The following ANKRD45 variants were observed in gnomAD, a reference collection of about 807,000 sequenced individuals.
The protein encoded by ANKRD45 is ankyrin repeat domain-containing protein 45.
Under a neutral mutation model 28.1 loss-of-function variants are expected in ANKRD45, and 21 were observed. The ratio of observed to expected loss-of-function variants is 0.75; its 90% CI spans 0.53 to 1.08. ANKRD45 has a LOEUF of 1.08. ANKRD45 is among the 50% of genes least tolerant of loss of function. ANKRD45 has a pLI of 0.00. For missense variants in ANKRD45, 261 were observed against 308.7 expected (o/e 0.85, Z 1.16); for synonymous variants, 86 against 103.9 (o/e 0.83, Z 1.05).
At chr1:173,635,506 C>G (rs1239477760) in intron 3 of ANKRD45, 1 of 1,465,406 alleles carries the variant, frequency 6.8e-7, no homozygotes, top group African/African-American at 1.4e-5. Flanking sequence ...ACTTTTTTTT[C>G]AATTGACAAA....
intron 3 of ANKRD45, among the ~76,000 whole-genome samples, chr1:173,637,907 T>C (rs1168963278): frequency 6.6e-6 from 1 of 152,046 alleles, no homozygotes; most frequent in Admixed American, 6.6e-5. Context: ...CACTGCCCAT[T>C]GTAGCAGCCC....
intron 1 of ANKRD45, among the ~76,000 whole-genome samples, chr1:173,666,409 A>G (rs1195116664): frequency 6.6e-6 from 1 of 152,204 alleles, no homozygotes; most frequent in Non-Finnish European, 1.5e-5. Flanking sequence ...GGATTGATTC[A>G]GGAACCCTCC....
At chr1:173,700,616 C>T in the ANKRD45 span, among the ~76,000 whole-genome samples, 2 of 152,164 alleles carry the variant, frequency 1.3e-5, no homozygotes, top group Non-Finnish European at 2.9e-5. Context: ...ACTGGCTAGC[C>T]ATATGTAGAA....
rs530344810 is a variant in ANKRD45, at chr1:173,646,713, G to T, written c.496+133C>A. 4 of 832,712 alleles carry T rather than the reference G, an allele frequency of 4.8e-6. No individual in the cohort carries two copies. In the African/African-American group the frequency reaches 6.8e-5, roughly 14 times the overall value. 51.6% of individuals were successfully genotyped at this position (832,712 alleles called of 1,614,324 possible). Reference sequence around the variant, plus strand: ...ACAAAGAAAGAGGGGGAAATTTCATGTATTATCACCAACTGTGACTGTGGT... The same window carrying T: ...ACAAAGAAAGAGGGGGAAATTTCATTTATTATCACCAACTGTGACTGTGGT... On this transcript the variant is annotated intron_variant, in intron 3 of 5. Coordinates refer to ENST00000333279, the MANE Select transcript of ANKRD45 (RefSeq NM_198493.3).
At chr1:173,647,508 C>G (rs1292183333) in intron 2 of ANKRD45, among the ~76,000 whole-genome samples, 2 of 152,112 alleles carry the variant, frequency 1.3e-5, no homozygotes, top group Non-Finnish European at 2.9e-5. Context: ...AAAATTATGG[C>G]CTATCAAATT....
At chr1:173,678,898 T>G in the ANKRD45 span, among the ~76,000 whole-genome samples, 2 of 151,796 alleles carry the variant, frequency 1.3e-5, no homozygotes, top group Non-Finnish European at 2.9e-5. Flanking sequence ...CACAAGCATT[T>G]CTATACATCA....
chr1:173,669,528 G>A (rs1407527010), intron 1 of ANKRD45: 2 of 454,498 alleles, frequency 4.4e-6, no homozygotes, highest in African/African-American at 2.0e-5. Context: ...TGGCAGCGCC[G>A]CCAGGTGATC....
upstream of ANKRD45, among the ~76,000 whole-genome samples, chr1:173,672,612 G>A (rs935631318): frequency 1.3e-5 from 2 of 152,204 alleles, no homozygotes; most frequent in Non-Finnish European, 2.9e-5. Context: ...TAGAAAGGTA[G>A]TAAGACACAA....
the ANKRD45 span, among the ~76,000 whole-genome samples, chr1:173,713,960 G>C: frequency 6.6e-6 from 1 of 152,102 alleles, no homozygotes; most frequent in African/African-American, 2.4e-5. Context: ...ATCTGTATCT[G>C]GGCAGCAGGC....
At chr1:173,651,226 G>T (rs907004708) in intron 2 of ANKRD45, among the ~76,000 whole-genome samples, 2 of 152,136 alleles carry the variant, frequency 1.3e-5, no homozygotes, top group Non-Finnish European at 2.9e-5. Context: ...ATGGTTTTAG[G>T]TCTAACATTT....
the ANKRD45 span, among the ~76,000 whole-genome samples, chr1:173,698,172 T>C: frequency 2.6e-5 from 4 of 152,218 alleles, no homozygotes; most frequent in East Asian, 7.7e-4. Flanking sequence ...ATAAAGCAAG[T>C]CTTTAGAGAC....
chr1:173,689,892 CT>C, the ANKRD45 span, among the ~76,000 whole-genome samples: 1 of 152,060 alleles, frequency 6.6e-6, no homozygotes, highest in Non-Finnish European at 1.5e-5. Flanking sequence ...AATCATACTC[CT>C]TTCTTCCTCT....
rs140400748 is a variant in ANKRD45 at position 173,632,263 on chromosome 1, C to T, written c.497-5104G>A. Among the ~76,000 whole-genome samples the T allele has an allele frequency of 4.3e-3, 653 of 151,978 alleles. 3 individuals are homozygous for T. Among genetic ancestry groups the T allele is most frequent in the African/African-American group, 0.015 (622 of 41,532 alleles). ...AGATAAATGGATAAAGTTCTAGACA[C>T]ATACAACCTGCAAGTTTAAACCATG... On this transcript the variant is annotated intron_variant, in intron 3 of 5. Coordinates refer to ENST00000333279, the MANE Select transcript of ANKRD45 (RefSeq NM_198493.3).
the ANKRD45 span, among the ~76,000 whole-genome samples, chr1:173,696,974 G>T: frequency 2.0e-5 from 3 of 152,136 alleles, no homozygotes; most frequent in Admixed American, 1.3e-4. Context: ...GATCTTAAAT[G>T]ACCTGATAGA....
the ANKRD45 span, among the ~76,000 whole-genome samples, chr1:173,699,631 T>C: frequency 3.5e-4 from 53 of 152,336 alleles, no homozygotes; most frequent in Non-Finnish European, 7.3e-4. Context: ...CCCTTCATGC[T>C]AAAAACTCTC....
Position 173,635,692 on chromosome 1 carries a change from T to C in ANKRD45, c.497-8533A>G, listed in dbSNP as rs1233997077. The C allele has an allele frequency of 4.6e-6, 7 of 1,535,762 alleles. No individual in the cohort carries two copies. The East Asian group carries it at 1.7e-4, about 38-fold the overall frequency. On this transcript the variant is annotated intron_variant, in intron 3 of 5. Transcript: ENST00000333279. ...GTTCTCCATCTCACTGCCTGCCTTA[T>C]CTTCTGGATAAACTATGCTGCGACT... is the stretch of plus-strand genomic sequence containing the variant.
Position 173,613,310 on chromosome 1 carries a change from A to C in ANKRD45, c.731-3095T>G, listed in dbSNP as rs1428725198. On this transcript the variant is annotated intron_variant, in intron 5 of 5. Transcript: ENST00000333279. ...GTCTGAGAAGCGAGGAGCCCCTCCG[A>C]CCAGCAGCCGCCCCGTCTGAGAAGC... 5.6e-4 allele frequency among the ~76,000 whole-genome samples: 74 copies of C among 133,168 alleles called. 3 individuals are homozygous for C. Among genetic ancestry groups the C allele is most frequent in the South Asian group, 1.3e-3 (5 of 3,864 alleles). 87.4% of individuals were successfully genotyped at this position (133,168 alleles called of 152,430 possible). A position where few individuals can be genotyped will look rare whatever the true frequency, so the allele number is the denominator to read the frequency against.
At chr1:173,613,614 A>C (rs1373065393) in intron 5 of ANKRD45, among the ~76,000 whole-genome samples, 12 of 66,596 alleles carry the variant, frequency 1.8e-4, no homozygotes, top group South Asian at 4.9e-4. Context: ...GGGTCAGCCC[A>C]CGCCCGGCCA....
chr1:173,688,597 T>TCC, the ANKRD45 span, among the ~76,000 whole-genome samples: 2 of 148,004 alleles, frequency 1.4e-5, no homozygotes, highest in African/African-American at 2.5e-5. Context: ...TCTCTCTCTC[T>TCC]GCCTCTTCCT....
Sources: allele counts gnomAD v4.1 joint callset (sites outside exome capture counted in the v4.1 genomes callset), GRCh38; gene constraint gnomAD v4.1.1; transcripts MANE v1.5; gene names NCBI Gene and HGNC (gene_info 2026-07-23, HGNC 2026-07-21).